The following COL4A2 variants were observed in gnomAD, a reference collection of about 807,000 sequenced individuals.
COL4A2 encodes collagen type IV alpha 2 chain, also known as collagen alpha-2(IV) chain.
Under a neutral mutation model 200.2 loss-of-function variants are expected in COL4A2, and 99 were observed. That is an observed-to-expected ratio of 0.49 (90% CI 0.42 to 0.58). The LOEUF (loss-of-function observed/expected upper bound fraction) is 0.58. Ranked by LOEUF, COL4A2 falls within the 20% of genes least tolerant of loss-of-function variation. COL4A2 has a pLI of 0.00. For synonymous variants in COL4A2, 897 were observed against 900.6 expected, an observed-to-expected ratio of 1.00 and a Z score of 0.07; for missense variants, 1,950 against 2,314.1, an observed-to-expected ratio of 0.84 and a Z score of 3.23.
intron 26 of COL4A2, among the ~76,000 whole-genome samples, chr13:110,466,599 C>T (rs997834352): frequency 1.3e-5 from 2 of 152,228 alleles, no homozygotes; most frequent in African/African-American, 4.8e-5. Context: ...TGCTGTGGTT[C>T]ACTCTGAAAG....
At chr13:110,467,763 G>T (rs1379314682) in intron 27 of COL4A2, among the ~76,000 whole-genome samples, 1 of 152,248 alleles carries the variant, frequency 6.6e-6, no homozygotes, top group Non-Finnish European at 1.5e-5. Context: ...GGAACACAGA[G>T]CCAGGGCTTC....
At chr13:110,496,992 G>T (rs1192540499) in intron 40 of COL4A2, among the ~76,000 whole-genome samples, 1 of 151,230 alleles carries the variant, frequency 6.6e-6, no homozygotes, top group African/African-American at 2.4e-5. Context: ...AGGATCTAGG[G>T]TCAGTCCACC....
At chr13:110,336,242 C>G (rs1376133987) in intron 3 of COL4A2, among the ~76,000 whole-genome samples, 3 of 152,094 alleles carry the variant, frequency 2.0e-5, no homozygotes, top group Non-Finnish European at 4.4e-5. Context: ...GATAATTTGT[C>G]TGATTGTCTC....
chr13:110,347,060 C>T (rs1876736529), intron 3 of COL4A2, among the ~76,000 whole-genome samples: 1 of 152,214 alleles, frequency 6.6e-6, no homozygotes, highest in African/African-American at 2.4e-5. Flanking sequence ...TGCTTTTCGC[C>T]TCTAGAAAGG....
intron 14 of COL4A2, 64 bp from the exon 15 acceptor site, chr13:110,438,546 TGACACGTG>T (rs751539431): frequency 3.2e-6 from 5 of 1,573,890 alleles, no homozygotes; most frequent in Non-Finnish European, 4.4e-6. Flanking sequence ...GAGCAGAGGA[TGACACGTG>T]GGCCCTGTTG....
chr13:110,491,601 A>G (rs913828843), intron 37 of COL4A2, among the ~76,000 whole-genome samples: 2 of 152,184 alleles, frequency 1.3e-5, no homozygotes, highest in African/African-American at 4.8e-5. Flanking sequence ...TGTCTCTCAT[A>G]TAGAAGCCGA....
rs1256518890 is a variant in COL4A2 at position 110,481,742 on chromosome 13, G to A, written c.2759-774G>A. 1.1e-3 allele frequency among the ~76,000 whole-genome samples: 12 copies of A among 10,786 alleles called. 1 individual carries two copies. Among genetic ancestry groups the A allele is most frequent in the Non-Finnish European group, 1.6e-3 (7 of 4,468 alleles). The allele number at this position is 10,786 out of a possible 152,430, so 7.1% of individuals were successfully genotyped here. A position where few individuals can be genotyped will look rare whatever the true frequency, so the allele number is the denominator to read the frequency against. ...TGGAGACACACTGTTCTGTCCCTCC[G>A]TTGCTGGAGACACACAGTTCTGTCC... On this transcript the variant is annotated intron_variant, in intron 31 of 47. Transcript: ENST00000360467.
chr13:110,436,136 G>T, intron 12 of COL4A2, 133 bp from the exon 13 acceptor site: 1 of 1,309,148 alleles, frequency 7.6e-7, no homozygotes, highest in South Asian at 1.2e-5. Flanking sequence ...TTATTATACT[G>T]TAAATAGGTA....
rs765569165 is a variant in COL4A2 at position 110,503,188 on chromosome 13, C to T, written c.3945C>T (p.Asn1315=). The T allele has an allele frequency of 8.1e-6, 13 of 1,613,922 alleles. No individual in the cohort carries two copies. Among genetic ancestry groups the T allele is most frequent in the African/African-American group, 1.3e-5 (1 of 74,924 alleles). ...ALPGSKGDTG[N]PGAPGTPGTK... is the part of the protein sequence containing the mutation. ...CTGGAAGCAAAGGTGACACAGGGAA[C>T]CCAGGAGCTCCAGGAACCCCAGGGA... The change falls in exon 42 of 48, where the codon AAC becomes AAT. Residue 1315 remains asparagine, a synonymous_variant. Transcript: ENST00000360467.
intron 3 of COL4A2, among the ~76,000 whole-genome samples, chr13:110,341,293 T>A (rs1403458134): frequency 6.6e-6 from 1 of 152,254 alleles, no homozygotes; most frequent in Non-Finnish European, 1.5e-5. Context: ...TTCTGTCATG[T>A]TCCCACCCAT....
chr13:110,405,067 AT>A (rs1262922444), intron 4 of COL4A2, among the ~76,000 whole-genome samples: 2 of 152,322 alleles, frequency 1.3e-5, no homozygotes, highest in African/African-American at 4.8e-5. Context: ...GTGAGTTGTG[AT>A]CATGCCACTG....
chr13:110,457,452 GGGACGGGATGA>G lies in COL4A2; in HGVS notation c.1432+22_1432+32del. 6.9e-7 allele frequency: 1 copy of G among 1,452,672 alleles called. No homozygotes were observed. The highest frequency in any genetic ancestry group is 1.7e-4 in the Middle Eastern group (1 of 5,786). 90.0% of individuals were successfully genotyped at this position (1,452,672 alleles called of 1,614,324 possible). On this transcript the variant is annotated intron_variant, in intron 21 of 47. Coordinates refer to ENST00000360467, the MANE Select transcript of COL4A2 (RefSeq NM_001846.4). ...GGTGGAAAGGTAAGAACATCTGGGA[GGGACGGGATGA>G]GGACAGCCTGGCCTTTCCAAGTCCC...
intron 28 of COL4A2, among the ~76,000 whole-genome samples, 167 bp from the exon 29 acceptor site, chr13:110,472,762 A>G (rs1882528153): frequency 6.6e-6 from 1 of 152,104 alleles, no homozygotes; most frequent in Admixed American, 6.5e-5. Flanking sequence ...GACATGGCGA[A>G]GGTTGTAGGT....
At chr13:110,401,291 G>A (rs1879361843) in intron 4 of COL4A2, among the ~76,000 whole-genome samples, 1 of 152,188 alleles carries the variant, frequency 6.6e-6, no homozygotes, top group African/African-American at 2.4e-5. Context: ...CTTTGCTCAA[G>A]AGAATCAATC....
In COL4A2 at chr13:110,424,963, GC is replaced by G; in HGVS notation, c.327del (p.Val110PhefsTer136). On this transcript the variant is annotated frameshift_variant, in exon 6 of 48. Coordinates refer to ENST00000360467, the MANE Select transcript of COL4A2 (RefSeq NM_001846.4). LOFTEE classifies it high-confidence loss of function. ...TGPKGDVGAR[G>X]VSGFPGADGI... ...TTGCTTTCTTCATAGGGAGCAAGAGGCGTTTCTGGATTCCCTGGTGCCGATG... is the reference window on the plus strand; with the variant it reads ...TTGCTTTCTTCATAGGGAGCAAGAGGGTTTCTGGATTCCCTGGTGCCGATG... 6.2e-7 allele frequency: 1 copy of G among 1,614,236 alleles called. No homozygotes were observed. Among genetic ancestry groups the G allele is most frequent in the Non-Finnish European group, 8.5e-7 (1 of 1,180,052 alleles).
chr13:110,398,337 T>A (rs961667550), intron 4 of COL4A2, among the ~76,000 whole-genome samples: 3 of 152,184 alleles, frequency 2.0e-5, no homozygotes, highest in Non-Finnish European at 4.4e-5. Context: ...ATCAGAGATA[T>A]AAGTGTATAG....
chr13:110,468,219 G>T (rs1196201189), intron 27 of COL4A2: 2 of 471,490 alleles, frequency 4.2e-6, no homozygotes, highest in Non-Finnish European at 8.8e-6. Flanking sequence ...CAGGACAAAT[G>T]CAGAGGTATC....
chr13:110,499,045 T>A (rs1053825791), intron 40 of COL4A2, among the ~76,000 whole-genome samples: 1 of 152,252 alleles, frequency 6.6e-6, no homozygotes, highest in African/African-American at 2.4e-5. Flanking sequence ...ATGAGGCCAC[T>A]GCCTCTGGCT....
At chr13:110,494,281 G>A (rs1348227721) in intron 39 of COL4A2, among the ~76,000 whole-genome samples, 2 of 152,144 alleles carry the variant, frequency 1.3e-5, no homozygotes, top group South Asian at 2.1e-4. Context: ...CCCACAGAAG[G>A]CCTCCCTTTA....
Sources: allele counts gnomAD v4.1 joint callset (sites outside exome capture counted in the v4.1 genomes callset), GRCh38; gene constraint gnomAD v4.1.1; transcripts MANE v1.5; gene names NCBI Gene and HGNC (gene_info 2026-07-23, HGNC 2026-07-21).